Variants in CFAP299 observed in about 807,000 individuals in gnomAD.
CFAP299 encodes the protein cilia- and flagella-associated protein 299.
Under a neutral mutation model 27.0 loss-of-function variants are expected in CFAP299, and 21 were observed. That is an observed-to-expected ratio of 0.78 (90% confidence interval 0.55 to 1.12). CFAP299 has a LOEUF of 1.12. Ranked by LOEUF, CFAP299 falls within the 50% of genes most tolerant of loss-of-function variation. The pLI is 0.00. For synonymous variants in CFAP299, 104 were observed against 98.1 expected, an observed-to-expected ratio of 1.06 and a Z score of -0.36; for missense variants, 310 against 276.6, an observed-to-expected ratio of 1.12 and a Z score of -0.86.
intron 2 of CFAP299, among the ~76,000 whole-genome samples, chr4:80,499,317 C>T (rs1205258753): frequency 6.6e-6 from 1 of 152,002 alleles, no homozygotes; most frequent in African/African-American, 2.4e-5. Flanking sequence ...GAACATAATT[C>T]TTAATGGTGC....
At chr4:80,803,184 G>C (rs933289189) in intron 3 of CFAP299, among the ~76,000 whole-genome samples, 8 of 151,882 alleles carry the variant, frequency 5.3e-5, no homozygotes, top group Admixed American at 5.3e-4. Flanking sequence ...CTAGGCTTGT[G>C]GGAGAATTCA....
chr4:80,799,481 A>C (rs1341929384), intron 3 of CFAP299, among the ~76,000 whole-genome samples: 1 of 82,654 alleles, frequency 1.2e-5, no homozygotes, highest in East Asian at 3.7e-4. Context: ...ATATATATTT[A>C]TTAAATATAT....
At chr4:80,385,619 A>T (rs1357458421) in intron 2 of CFAP299, among the ~76,000 whole-genome samples, 1 of 152,204 alleles carries the variant, frequency 6.6e-6, no homozygotes, top group Non-Finnish European at 1.5e-5. Context: ...AGGCAAGTGC[A>T]TGTCAACTCT....
At chr4:80,741,271 T>A (rs1304310064) in intron 3 of CFAP299, among the ~76,000 whole-genome samples, 1 of 152,134 alleles carries the variant, frequency 6.6e-6, no homozygotes, top group Non-Finnish European at 1.5e-5. Context: ...GTTTTTGAGA[T>A]GGAGTCTTGC....
At chr4:80,598,793 G>A (rs1737183403) in intron 3 of CFAP299, among the ~76,000 whole-genome samples, 1 of 152,130 alleles carries the variant, frequency 6.6e-6, no homozygotes, top group Non-Finnish European at 1.5e-5. Flanking sequence ...AAGCTATTTA[G>A]TTGTACCTAA....
At chr4:80,813,366 G>T (rs1729256806) in intron 3 of CFAP299, among the ~76,000 whole-genome samples, 1 of 151,740 alleles carries the variant, frequency 6.6e-6, no homozygotes, top group Admixed American at 6.6e-5. Context: ...AAAGAAAAAA[G>T]GAATTTTTTC....
intron 3 of CFAP299, among the ~76,000 whole-genome samples, chr4:80,775,071 TAAAA>T (rs369851677): frequency 2.1e-5 from 3 of 141,378 alleles, no homozygotes; most frequent in Non-Finnish European, 3.1e-5. Flanking sequence ...AATAAAAAAA[TAAAA>T]AAAAAAGAAA....
At chr4:80,477,496 C>T (rs1184080700) in intron 2 of CFAP299, among the ~76,000 whole-genome samples, 3 of 152,028 alleles carry the variant, frequency 2.0e-5, no homozygotes, top group African/African-American at 7.3e-5. Flanking sequence ...AGGCTTTGGC[C>T]CTCCTTTCCT....
intron 5 of CFAP299, among the ~76,000 whole-genome samples, chr4:80,953,514 G>A (rs188138331): frequency 4.0e-4 from 61 of 152,138 alleles, no homozygotes; most frequent in African/African-American, 1.4e-3. Context: ...TGGCCTTGAG[G>A]AATACATTAA....
intron 3 of CFAP299, among the ~76,000 whole-genome samples, chr4:80,637,120 AC>A (rs1739491799): frequency 6.6e-6 from 1 of 152,170 alleles, no homozygotes; most frequent in Non-Finnish European, 1.5e-5. Context: ...ATCATAAATT[AC>A]TTTTGTTCAT....
At chr4:80,456,661 G>A (rs757011416) in intron 2 of CFAP299, among the ~76,000 whole-genome samples, 2 of 152,170 alleles carry the variant, frequency 1.3e-5, no homozygotes, top group Non-Finnish European at 2.9e-5. Flanking sequence ...TTGTATTTTA[G>A]ATGTAGCAAG....
intron 5 of CFAP299, among the ~76,000 whole-genome samples, chr4:80,960,257 A>G (rs1738279603): frequency 6.6e-6 from 1 of 151,840 alleles, no homozygotes; most frequent in Admixed American, 6.6e-5. Context: ...CAGGTAAAAT[A>G]TATTTCCAAA....
intron 3 of CFAP299, among the ~76,000 whole-genome samples, chr4:80,711,814 A>G (rs1722190933): frequency 6.6e-6 from 1 of 152,212 alleles, no homozygotes; most frequent in Non-Finnish European, 1.5e-5. Flanking sequence ...TCATCAAATG[A>G]GGCAACTTCA....
At chr4:80,354,702 G>T (rs1723179360) in intron 1 of CFAP299, among the ~76,000 whole-genome samples, 1 of 152,002 alleles carries the variant, frequency 6.6e-6, no homozygotes, top group African/African-American at 2.4e-5. Context: ...CTGCCAGTGT[G>T]TGTTTTTTCC....
chr4:80,392,071 C>T (rs1725513251), intron 2 of CFAP299, among the ~76,000 whole-genome samples: 1 of 152,206 alleles, frequency 6.6e-6, no homozygotes, highest in South Asian at 2.1e-4. Context: ...CTGACTTAGA[C>T]CTTTTCGGCC....
intron 1 of CFAP299, among the ~76,000 whole-genome samples, chr4:80,343,502 C>A (rs1722565123): frequency 6.6e-6 from 1 of 151,984 alleles, no homozygotes. Context: ...AATTAGAACT[C>A]AAGACGGCTG....
intron 3 of CFAP299, among the ~76,000 whole-genome samples, chr4:80,853,594 A>T (rs1731651005): frequency 6.6e-6 from 1 of 152,184 alleles, no homozygotes; most frequent in Non-Finnish European, 1.5e-5. Flanking sequence ...AGGCAGAAAC[A>T]TTTTTATCAG....
At chr4:80,819,139 G>C (rs1410293922) in intron 3 of CFAP299, among the ~76,000 whole-genome samples, 1 of 152,018 alleles carries the variant, frequency 6.6e-6, no homozygotes, top group African/African-American at 2.4e-5. Flanking sequence ...TAACATTTAA[G>C]TGATGAATCC....
intron 2 of CFAP299, among the ~76,000 whole-genome samples, chr4:80,432,607 A>C (rs1578436397): frequency 7.3e-6 from 1 of 137,430 alleles, no homozygotes; most frequent in Middle Eastern, 4.6e-3. Context: ...ACCTCAGCTC[A>C]CTGCAAGCTC....
Sources: allele counts gnomAD v4.1 joint callset (sites outside exome capture counted in the v4.1 genomes callset), GRCh38; gene constraint gnomAD v4.1.1; transcripts MANE v1.5; gene names NCBI Gene and HGNC (gene_info 2026-07-23, HGNC 2026-07-21).